The following NPM1 variants were observed in gnomAD, a reference collection of about 807,000 sequenced individuals.
NPM1 encodes the protein nucleophosmin.
Under a neutral mutation model 44.1 loss-of-function variants are expected in NPM1, and 1 was observed. The ratio of observed to expected loss-of-function variants is 0.02; its 90% CI spans 0.01 to 0.11. The LOEUF (loss-of-function observed/expected upper bound fraction) is 0.11, where lower values mean the gene tolerates loss of function less well. NPM1 is among the 10% of genes least tolerant of loss of function. The probability of loss-of-function intolerance (pLI) is 1.00; values close to 1 mark genes in which losing one functional copy is unlikely to be tolerated. For synonymous variants in NPM1, 126 were observed against 111.8 expected, an observed-to-expected ratio of 1.13 and a Z score of -0.80; for missense variants, 197 against 347.8, an observed-to-expected ratio of 0.57 and a Z score of 3.45.
chr5:171,387,529 A>C, upstream of NPM1: 1 of 209,762 alleles, frequency 4.8e-6, no homozygotes, highest in Non-Finnish European at 9.6e-6. Flanking sequence ...TCTTGGCGGG[A>C]GGCCGGCGCG....
chr5:171,388,109 C>G, intron 1 of NPM1, 103 bp downstream of exon 1: 1 of 1,046,976 alleles, frequency 9.6e-7, no homozygotes, highest in Non-Finnish European at 1.4e-6. Flanking sequence ...TGGTGGAGAC[C>G]GCCAGACCGA....
intron 1 of NPM1, among the ~76,000 whole-genome samples, chr5:171,389,542 T>G (rs1364519081): frequency 6.6e-6 from 1 of 152,222 alleles, no homozygotes; most frequent in East Asian, 1.9e-4. Flanking sequence ...TTGAGGCGTA[T>G]GTCACTTTCT....
At position 171,407,824 on chromosome 5, in the gene NPM1, T is replaced by G. The variant is rs1256555241; in HGVS notation, c.846+50T>G. 4.3e-6 allele frequency: 5 copies of G among 1,157,306 alleles called. No homozygotes were observed. The Admixed American group carries it at 8.9e-5, about 21-fold the overall frequency. 71.7% of individuals were successfully genotyped at this position (1,157,306 alleles called of 1,614,324 possible). A position where few individuals can be genotyped will look rare whatever the true frequency, so the allele number is the denominator to read the frequency against. ...ATTAAATCCAAGTTTTTTTGTGATT[T>G]ATTATGATTCTGCCTTTACCCTTTT... On this transcript the variant is annotated intron_variant, in intron 10 of 10. Coordinates refer to ENST00000296930, the MANE Select transcript of NPM1 (RefSeq NM_002520.7).
At chr5:171,390,750 G>C (rs976108551) in intron 2 of NPM1, among the ~76,000 whole-genome samples, 1 of 150,968 alleles carries the variant, frequency 6.6e-6, no homozygotes, top group Non-Finnish European at 1.5e-5. Flanking sequence ...TTTGGAGGCA[G>C]TCTCGCTCTG....
intron 9 of NPM1, chr5:171,407,381 C>CT: frequency 3.2e-6 from 1 of 312,758 alleles, no homozygotes; most frequent in Middle Eastern, 9.3e-4. Flanking sequence ...TGATAACCGA[C>CT]TTGTTAGATA....
intron 8 of NPM1, among the ~76,000 whole-genome samples, chr5:171,402,952 CTT>C (rs560900151): frequency 1.7e-4 from 16 of 91,860 alleles, no homozygotes; most frequent in African/African-American, 6.0e-4. Flanking sequence ...TCAGGTAGTT[CTT>C]TTTTTTTTTT....
chr5:171,401,413 G>A (rs572151765), intron 8 of NPM1, among the ~76,000 whole-genome samples: 3 of 151,956 alleles, frequency 2.0e-5, no homozygotes, highest in African/African-American at 7.3e-5. Context: ...CATACTAAAT[G>A]TAAGGTGGTG....
chr5:171,387,375 C>T (rs1344938550), upstream of NPM1: 1 of 164,792 alleles, frequency 6.1e-6, no homozygotes, highest in Non-Finnish European at 1.3e-5. Context: ...GAAGTGATTA[C>T]GCCTGTTTGG....
chr5:171,390,032 CT>C lies in NPM1; in HGVS notation c.59-13del. The C allele has an allele frequency of 6.6e-7, 1 of 1,513,852 alleles. No homozygotes were observed. The highest frequency in any genetic ancestry group is 1.2e-5 in the South Asian group (1 of 80,390). The allele number at this position is 1,513,852 out of a possible 1,614,324, so 93.8% of individuals were successfully genotyped here. On this transcript the variant is annotated intron_variant, in intron 1 of 10. Transcript: ENST00000296930. ...GTTATTTTTCTCCTTGTTAGAGTTG[CT>C]TTTTTCTTCATTTACAGGTTGTGAA...
At chr5:171,406,331 A>G (rs1209503494) in intron 9 of NPM1, 2 of 1,422,880 alleles carry the variant, frequency 1.4e-6, no homozygotes, top group Non-Finnish European at 2.0e-6. Flanking sequence ...CAATGCTAAA[A>G]TGACATCTTT....
rs373260940 is a variant in NPM1 at position 171,409,325 on chromosome 5, C to T, written c.847-1202C>T. Among the ~76,000 whole-genome samples, 134 of 152,224 alleles carry T rather than the reference C, an allele frequency of 8.8e-4. 4 individuals carry two copies. The South Asian group carries it at 0.025, about 29-fold the overall frequency. ...CCTGATGATAAGATCTCTGGCTGGG[C>T]GTGGTAGTTCATGCCTATAATCCCA... On this transcript the variant is annotated intron_variant, in intron 10 of 10. Coordinates refer to ENST00000296930, the MANE Select transcript of NPM1 (RefSeq NM_002520.7).
chr5:171,405,719 T>C (rs1002609807), intron 9 of NPM1: 3 of 298,650 alleles, frequency 1.0e-5, no homozygotes, highest in African/African-American at 6.8e-5. Flanking sequence ...GGTTGTAAGA[T>C]ATGCTAGAGA....
chr5:171,403,562 C>T (rs1771352783), intron 8 of NPM1, among the ~76,000 whole-genome samples: 1 of 112,314 alleles, frequency 8.9e-6, no homozygotes, highest in Admixed American at 8.7e-5. Context: ...AGAGGGGCTC[C>T]TCACTTCCCA....
chr5:171,405,427 A>T (rs1289189593), intron 9 of NPM1, 24 bp downstream of exon 9: 1 of 1,064,722 alleles, frequency 9.4e-7, no homozygotes, highest in South Asian at 1.4e-5. Flanking sequence ...TCTTAAAAAA[A>T]CTTTGTCTCC....
intron 2 of NPM1, chr5:171,390,970 C>T (rs1374499408): frequency 1.2e-5 from 2 of 169,004 alleles, no homozygotes; most frequent in African/African-American, 4.8e-5. Flanking sequence ...GATCTGCCCG[C>T]CTCAGCCTCC....
chr5:171,387,818 G>A (rs1371914822), upstream of NPM1: 27 of 825,098 alleles, frequency 3.3e-5, no homozygotes, highest in East Asian at 2.6e-4. Context: ...AGATCTTCAG[G>A]GTCTATATAT....
At chr5:171,388,752 T>TG (rs943414622) in intron 1 of NPM1, among the ~76,000 whole-genome samples, 1 of 152,228 alleles carries the variant, frequency 6.6e-6, no homozygotes, top group African/African-American at 2.4e-5. Context: ...GCATGTACTG[T>TG]GATGGCAGCT....
Position 171,400,940 on chromosome 5 carries a change from T to A in NPM1, c.669+15T>A, listed in dbSNP as rs1284466761. ...CAAGATCAAAAGTAAGTGGCTACATTTACACGTGGGTCTCATTGATCTAGT... is the reference window on the plus strand; with the variant it reads ...CAAGATCAAAAGTAAGTGGCTACATATACACGTGGGTCTCATTGATCTAGT... On this transcript the variant is annotated intron_variant, in intron 8 of 10. Transcript: ENST00000296930. 5.9e-6 allele frequency: 9 copies of A among 1,536,442 alleles called. 1 individual carries two copies. In the South Asian group the frequency reaches 1.0e-4, roughly 17 times the overall value.
chr5:171,410,458 A>G (rs896118265), intron 10 of NPM1, 69 bp from the exon 11 acceptor site: 8 of 942,238 alleles, frequency 8.5e-6, no homozygotes, highest in African/African-American at 8.4e-5. Context: ...ATGCAAAGAG[A>G]CATTTAATTT....
Sources: allele counts gnomAD v4.1 joint callset (sites outside exome capture counted in the v4.1 genomes callset), GRCh38; gene constraint gnomAD v4.1.1; transcripts MANE v1.5; gene names NCBI Gene and HGNC (gene_info 2026-07-23, HGNC 2026-07-21).